The following METAP1D variants were observed in gnomAD, a reference collection of about 807,000 sequenced individuals.
The protein encoded by METAP1D is methionyl aminopeptidase type 1D, mitochondrial.
METAP1D carries 31 observed loss-of-function variants against 40.5 expected under a neutral mutation model. The observed-to-expected ratio is 0.77, with a 90% CI of 0.58 to 1.03. METAP1D has a LOEUF of 1.03. METAP1D is among the 50% of genes least tolerant of loss of function. The probability of loss-of-function intolerance (pLI) is 0.00; values close to 1 mark genes in which losing one functional copy is unlikely to be tolerated. For synonymous variants in METAP1D, 151 were observed against 146.4 expected (o/e 1.03, Z -0.22); for missense variants, 411 against 420.7 (o/e 0.98, Z 0.20).
chr2:172,073,153 G>A (rs553677612), intron 6 of METAP1D, among the ~76,000 whole-genome samples: 53 of 152,062 alleles, frequency 3.5e-4, no homozygotes, highest in Non-Finnish European at 6.9e-4. Context: ...ATACATCAAG[G>A]GGAATAAAAA....
Position 172,065,758 on chromosome 2 carries a change from C to T in METAP1D, c.497+6C>T. 1.2e-6 allele frequency: 2 copies of T among 1,612,660 alleles called. No individual in the cohort carries two copies. The highest frequency in any genetic ancestry group is 1.7e-6 in the Non-Finnish European group (2 of 1,179,432). ...TGTCATGGTATTCCTGACAGGTATT[C>T]AGTTCTTAATAACATATTGTTCCTT... On this transcript the variant is annotated splice_donor_region_variant and intron_variant, in intron 4 of 9. Coordinates refer to ENST00000315796, the MANE Select transcript of METAP1D (RefSeq NM_199227.3).
chr2:172,077,159 T>C (rs1690565400), intron 6 of METAP1D, among the ~76,000 whole-genome samples: 1 of 152,202 alleles, frequency 6.6e-6, no homozygotes, highest in Admixed American at 6.5e-5. Flanking sequence ...TAAAAAGCAT[T>C]CTTTATGAAT....
chr2:172,010,238 C>T (rs1392267893), intron 1 of METAP1D, among the ~76,000 whole-genome samples: 1 of 150,844 alleles, frequency 6.6e-6, no homozygotes, highest in East Asian at 2.0e-4. Context: ...CCTCCCAGGC[C>T]CAAGCGATCC....
chr2:172,064,558 T>G (rs540108080), intron 3 of METAP1D: 1 of 150,642 alleles, frequency 6.6e-6, no homozygotes, highest in Admixed American at 6.6e-5. Flanking sequence ...AGGTGGAGGT[T>G]GCAGTGAGCC....
At chr2:172,009,831 C>T (rs958114437) in intron 1 of METAP1D, among the ~76,000 whole-genome samples, 1 of 151,706 alleles carries the variant, frequency 6.6e-6, no homozygotes, top group Non-Finnish European at 1.5e-5. Context: ...GTAATGACTG[C>T]GGGATGGAAA....
At chr2:172,048,133 G>T (rs1689802609) in intron 1 of METAP1D, among the ~76,000 whole-genome samples, 1 of 152,154 alleles carries the variant, frequency 6.6e-6, no homozygotes, top group South Asian at 2.1e-4. Flanking sequence ...GTTCAGGTTG[G>T]CCCTGTGATG....
intron 1 of METAP1D, among the ~76,000 whole-genome samples, chr2:172,053,238 G>T (rs187617930): frequency 9.2e-5 from 14 of 152,332 alleles, no homozygotes; most frequent in Non-Finnish European, 5.9e-5. Context: ...AAGAGCCTGT[G>T]CTCCTACTCT....
chr2:172,043,088 TTTA>T, intron 1 of METAP1D, among the ~76,000 whole-genome samples: 1 of 28,610 alleles, frequency 3.5e-5, no homozygotes, highest in East Asian at 1.3e-3. Flanking sequence ...TGTACATATA[TTTA>T]CATACATATA....
rs150342737 is a variant in METAP1D, at chr2:172,040,527, C to G, written c.41-20971C>G. Among the ~76,000 whole-genome samples the G allele has an allele frequency of 9.1e-4, 139 of 152,254 alleles. 1 individual carries two copies. Among genetic ancestry groups the G allele is most frequent in the Admixed American group, 1.9e-3 (29 of 15,294 alleles). On this transcript the variant is annotated intron_variant, in intron 1 of 9. Coordinates refer to ENST00000315796, the MANE Select transcript of METAP1D (RefSeq NM_199227.3). ...CAATAGTGAGAGGATTCCCCACACT[C>G]TCTTCGAAAATTTTAAGACATACTG...
chr2:172,074,915 C>T (rs1056648693), intron 6 of METAP1D, among the ~76,000 whole-genome samples: 1 of 152,038 alleles, frequency 6.6e-6, no homozygotes, highest in East Asian at 1.9e-4. Context: ...ACAGCATGTA[C>T]GTAAACATAG....
intron 1 of METAP1D, among the ~76,000 whole-genome samples, chr2:172,042,212 T>C (rs529092652): frequency 0.012 from 268 of 22,766 alleles, 50 homozygotes; most frequent in African/African-American, 0.021. Context: ...TACATATGTA[T>C]GTGTACATGT....
chr2:172,059,711 G>A (rs1428873235), intron 1 of METAP1D, among the ~76,000 whole-genome samples: 1 of 152,196 alleles, frequency 6.6e-6, no homozygotes, highest in African/African-American at 2.4e-5. Flanking sequence ...TTGAGCTGTA[G>A]TTTTCTGACC....
chr2:172,051,071 A>AATT (rs67858281), intron 1 of METAP1D, among the ~76,000 whole-genome samples: 3 of 30,354 alleles, frequency 9.9e-5, no homozygotes, highest in Non-Finnish European at 3.2e-4. Flanking sequence ...TATAAAGATG[A>AATT]ATTTAAATTT....
intron 8 of METAP1D, among the ~76,000 whole-genome samples, chr2:172,079,849 T>A (rs560639244): frequency 1.8e-4 from 28 of 152,340 alleles, no homozygotes; most frequent in African/African-American, 6.7e-4. Flanking sequence ...GGGGTCCTAA[T>A]TAAAGCTTGA....
chr2:172,070,896 C>A lies in METAP1D; in HGVS notation c.541-11C>A. 1 of 1,573,610 alleles carries A rather than the reference C, an allele frequency of 6.4e-7. No homozygotes were observed. Among genetic ancestry groups the A allele is most frequent in the Non-Finnish European group, 8.6e-7 (1 of 1,161,198 alleles). On this transcript the variant is annotated splice_polypyrimidine_tract_variant and intron_variant, in intron 5 of 9. Coordinates refer to ENST00000315796, the MANE Select transcript of METAP1D (RefSeq NM_199227.3). ...ACAAGGACATATTTTTAAATTTCTG[C>A]TTATGTTTAGGTCTATTACAATGGC... is the stretch of plus-strand genomic sequence containing the variant.
Position 172,061,672 on chromosome 2 carries a change from TATC to T in METAP1D, c.198+18_198+20del. 1 of 1,559,110 alleles carries T rather than the reference TATC, an allele frequency of 6.4e-7. No individual in the cohort carries two copies. The highest frequency in any genetic ancestry group is 8.7e-7 in the Non-Finnish European group (1 of 1,154,654). The stretch of plus-strand genomic sequence containing the variant: ...GTTCCTAAGGTACTGTATTGCCTAT[TATC>T]TCCTGCTTTTTCCAGCCAAGATAAA... On this transcript the variant is annotated intron_variant, in intron 2 of 9. Transcript: ENST00000315796.
rs539386820 is a variant in METAP1D, at chr2:172,054,952, CTATA to C, written c.41-6543_41-6540del. Among the ~76,000 whole-genome samples the C allele has an allele frequency of 7.4e-4, 112 of 152,240 alleles. 2 individuals are homozygous for C. The East Asian group carries it at 7.7e-3, about 10-fold the overall frequency. On this transcript the variant is annotated intron_variant, in intron 1 of 9. Transcript: ENST00000315796. ...TGTAGATTTACTCCCTAAGAAAACC[CTATA>C]TAGAGTTGCTGTTAGGTCATCAACA... is the stretch of plus-strand genomic sequence containing the variant.
At chr2:172,037,423 T>C (rs912438191) in intron 1 of METAP1D, among the ~76,000 whole-genome samples, 1 of 148,710 alleles carries the variant, frequency 6.7e-6, no homozygotes, top group African/African-American at 2.5e-5. Context: ...AAAAAAATAG[T>C]AAAGCTTTAA....
Position 172,044,626 on chromosome 2 carries a change from G to A in METAP1D, c.41-16872G>A, listed in dbSNP as rs921238033. ...AAAATAAAATAAGTCAGGTGAAGAG[G>A]CTGGGCGTGGTGGCTCACGCCTATA... On this transcript the variant is annotated intron_variant, in intron 1 of 9. Transcript: ENST00000315796. Among the ~76,000 whole-genome samples the A allele has an allele frequency of 1.5e-4, 20 of 133,930 alleles. 7 individuals carry two copies. The highest frequency in any genetic ancestry group is 8.7e-5 in the Non-Finnish European group (5 of 57,400). 87.9% of individuals were successfully genotyped at this position (133,930 alleles called of 152,430 possible).
Sources: gnomAD v4.1 joint callset for allele counts (sites outside exome capture counted in the v4.1 genomes callset) on GRCh38, gnomAD v4.1.1 for gene constraint, MANE v1.5 for transcripts, NCBI Gene and HGNC (gene_info 2026-07-23, HGNC 2026-07-21) for gene names.